The following B4GALT6 variants were observed in gnomAD, a reference collection of about 807,000 sequenced individuals.
The protein encoded by B4GALT6 is beta-1,4-galactosyltransferase 6, also known as UDP-Gal:beta-GlcNAc beta-1,4-galactosyltransferase 6.
Under a neutral mutation model 46.3 loss-of-function variants are expected in B4GALT6, and 14 were observed. The observed-to-expected ratio is 0.30, with a 90% CI of 0.20 to 0.47. The LOEUF (loss-of-function observed/expected upper bound fraction) is 0.47. B4GALT6 is among the 20% of genes least tolerant of loss of function. The pLI is 0.99. For synonymous variants in B4GALT6, 168 were observed against 162.0 expected (o/e 1.04, Z -0.28); for missense variants, 386 against 480.1 (o/e 0.80, Z 1.83).
intron 3 of B4GALT6, among the ~76,000 whole-genome samples, chr18:31,649,710 C>T (rs2074041009): frequency 6.6e-6 from 1 of 151,844 alleles, no homozygotes; most frequent in African/African-American, 2.4e-5. Context: ...GATAAGACAG[C>T]ATCAAATACC....
chr18:31,676,807 T>C (rs2074419966), intron 1 of B4GALT6, among the ~76,000 whole-genome samples: 1 of 152,184 alleles, frequency 6.6e-6, no homozygotes, highest in South Asian at 2.1e-4. Flanking sequence ...GGGTACGTGT[T>C]AAAAATTAAT....
At chr18:31,706,517 G>A in the B4GALT6 span, among the ~76,000 whole-genome samples, 1 of 152,236 alleles carries the variant, frequency 6.6e-6, no homozygotes, top group South Asian at 2.1e-4. Flanking sequence ...TGTAATCCCA[G>A]CTACTGGGGT....
Position 31,684,557 on chromosome 18 carries a change from G to GA in B4GALT6, c.-132_-131insT, listed in dbSNP as rs1230518886. The GA allele has an allele frequency of 6.8e-7, 1 of 1,468,282 alleles. No individual in the cohort carries two copies. The highest frequency in any genetic ancestry group is 9.0e-7 in the Non-Finnish European group (1 of 1,108,142). The allele number at this position is 1,468,282 out of a possible 1,614,324, so 91.0% of individuals were successfully genotyped here. ...GCGGGGTCCGCGCGGGGAGGCTCTG[G>GA]GGAGAGGGCCCGAGCGGAAAAGAGG... On this transcript the variant is annotated 5_prime_UTR_variant, in exon 1 of 9. Coordinates refer to ENST00000306851, the MANE Select transcript of B4GALT6 (RefSeq NM_004775.5).
At chr18:31,629,161 C>T (rs759681860) in intron 6 of B4GALT6, among the ~76,000 whole-genome samples, 10 of 152,058 alleles carry the variant, frequency 6.6e-5, no homozygotes, top group Non-Finnish European at 1.3e-4. Flanking sequence ...ATATAACATA[C>T]AAAATATGTG....
intron 7 of B4GALT6, 98 bp downstream of exon 7, chr18:31,626,901 C>CAAA: frequency 9.5e-7 from 1 of 1,052,564 alleles, no homozygotes; most frequent in Non-Finnish European, 1.4e-6. Flanking sequence ...ATATCCCATC[C>CAAA]CAAAGAATGT....
intron 3 of B4GALT6, among the ~76,000 whole-genome samples, chr18:31,653,590 C>T (rs2074102974): frequency 6.6e-6 from 1 of 151,750 alleles, no homozygotes; most frequent in African/African-American, 2.4e-5. Context: ...TACAGGCACG[C>T]ACCACTGCAC....
the B4GALT6 span, among the ~76,000 whole-genome samples, chr18:31,720,471 A>G: frequency 6.6e-6 from 1 of 152,218 alleles, no homozygotes; most frequent in African/African-American, 2.4e-5. Context: ...GTGATATCCA[A>G]CACCACAAGG....
At chr18:31,666,499 A>G (rs927529148) in intron 1 of B4GALT6, 127 bp from the exon 2 acceptor site, 7 of 406,672 alleles carry the variant, frequency 1.7e-5, no homozygotes, top group East Asian at 7.2e-5. Flanking sequence ...GTCCAAACGC[A>G]AAACAGAAAT....
chr18:31,647,358 T>C (rs968864052), intron 3 of B4GALT6, among the ~76,000 whole-genome samples: 2 of 152,202 alleles, frequency 1.3e-5, no homozygotes, highest in African/African-American at 4.8e-5. Flanking sequence ...AACGCATATG[T>C]GCTGGCAAGA....
At chr18:31,690,157 T>G (rs1209415286), upstream of B4GALT6, among the ~76,000 whole-genome samples, 1 of 152,242 alleles carries the variant, frequency 6.6e-6, no homozygotes, top group African/African-American at 2.4e-5. Context: ...TGAGACAGAC[T>G]CTCGCTCTGT....
At chr18:31,704,457 G>A in the B4GALT6 span, among the ~76,000 whole-genome samples, 1 of 152,224 alleles carries the variant, frequency 6.6e-6, no homozygotes, top group Non-Finnish European at 1.5e-5. Flanking sequence ...TCCTGCCTCA[G>A]CCTCCCAAAG....
chr18:31,666,380 A>G lies in B4GALT6; in HGVS notation c.116-8T>C. The G allele has an allele frequency of 7.4e-7, 1 of 1,353,494 alleles. No homozygotes were observed. Among genetic ancestry groups the G allele is most frequent in the Non-Finnish European group, 1.0e-6 (1 of 962,024 alleles). 83.8% of individuals were successfully genotyped at this position (1,353,494 alleles called of 1,614,324 possible). A position where few individuals can be genotyped will look rare whatever the true frequency, so the allele number is the denominator to read the frequency against. Reference sequence around the variant, plus strand: ...TAAAGAGATATGTGTTGGCTATAAAAGAAAAATAGAGAAAGAATGTCATAA... The same window carrying G: ...TAAAGAGATATGTGTTGGCTATAAAGGAAAAATAGAGAAAGAATGTCATAA... On this transcript the variant is annotated splice_region_variant and splice_polypyrimidine_tract_variant and intron_variant, in intron 1 of 8. Transcript: ENST00000306851.
rs111312287 is a variant in B4GALT6 at position 31,630,348 on chromosome 18, A to G, written c.776+611T>C. On this transcript the variant is annotated intron_variant, in intron 6 of 8. Transcript: ENST00000306851. ...GACTTGCATTCTTTCATGTCCTTTT[A>G]AGTTACTATCTCAGCTCTGATAACT... Among the ~76,000 whole-genome samples the G allele has an allele frequency of 3.2e-3, 486 of 152,122 alleles. 3 individuals are homozygous for G. The highest frequency in any genetic ancestry group is 0.011 in the African/African-American group (467 of 41,490).
chr18:31,638,987 T>C (rs1418790675), intron 4 of B4GALT6, among the ~76,000 whole-genome samples: 1 of 152,176 alleles, frequency 6.6e-6, no homozygotes, highest in Non-Finnish European at 1.5e-5. Context: ...TTTCTAAAGA[T>C]TGTGGCCTTT....
intron 4 of B4GALT6, among the ~76,000 whole-genome samples, chr18:31,643,763 G>C (rs1175826077): frequency 6.6e-6 from 1 of 152,176 alleles, no homozygotes; most frequent in African/African-American, 2.4e-5. Flanking sequence ...ATCTGGTATA[G>C]ATCACTAGAA....
chr18:31,644,987 CT>C (rs1340934243), intron 4 of B4GALT6, among the ~76,000 whole-genome samples: 1 of 152,210 alleles, frequency 6.6e-6, no homozygotes, highest in Non-Finnish European at 1.5e-5. Flanking sequence ...TGAGGCTATG[CT>C]TGCAGGTGTC....
Position 31,666,261 on chromosome 18 carries a change from C to T in B4GALT6, c.227G>A (p.Gly76Asp). The change falls in exon 2 of 9, where the codon GGT (glycine) becomes GAT (aspartate). Residue 76 changes from glycine to aspartate, a missense_variant. Around this residue, in one of 2 missense-constraint regions of B4GALT6, gnomAD observed 323 missense variants for 438.9 expected, o/e 0.74. Transcript: ENST00000306851. Reference protein sequence around the residue: ...LYTNKNSTLNGTDYPEGNNSS... With the variant: ...LYTNKNSTLNDTDYPEGNNSS... ...TAAGCAGGAAGTAGTCTTACCTGTA[C>T]CGTTGAGCGTACTGTTTTTATTTGT... is the stretch of plus-strand genomic sequence containing the variant. 1 of 1,576,300 alleles carries T rather than the reference C, an allele frequency of 6.3e-7. No homozygotes were observed. The highest frequency in any genetic ancestry group is 8.7e-7 in the Non-Finnish European group (1 of 1,153,578).
At chr18:31,642,128 T>G (rs759746970) in intron 4 of B4GALT6, among the ~76,000 whole-genome samples, 10 of 152,220 alleles carry the variant, frequency 6.6e-5, no homozygotes, top group Admixed American at 1.3e-4. Flanking sequence ...AAGTTCTTGT[T>G]CCTTCCCACC....
intron 4 of B4GALT6, 114 bp downstream of exon 4, chr18:31,645,241 T>A: frequency 1.4e-6 from 2 of 1,404,824 alleles, no homozygotes; most frequent in Non-Finnish European, 2.0e-6. Context: ...AAACTTTTGA[T>A]GTTTTAAATT....
Sources: gnomAD v4.1 joint callset for allele counts (sites outside exome capture counted in the v4.1 genomes callset) on GRCh38, gnomAD v4.1.1 for gene constraint, gnomAD v4.1.1 regional missense constraint, MANE v1.5 for transcripts, NCBI Gene and HGNC (gene_info 2026-07-23, HGNC 2026-07-21) for gene names.